PLS3: variants seen among roughly 807,000 people sequenced by gnomAD.
PLS3 encodes plastin 3.
In PLS3, 11 loss-of-function variants were observed where a neutral mutation model predicts 46.5. The ratio of observed to expected loss-of-function variants is 0.24; its 90% CI spans 0.15 to 0.39. The LOEUF (loss-of-function observed/expected upper bound fraction) is 0.39. Among genes scored for constraint, PLS3 ranks in the 10% least tolerant of loss-of-function variants. The pLI is 1.00. For missense variants in PLS3, 308 were observed against 461.8 expected (o/e 0.67, Z 3.05); for synonymous variants, 167 against 162.2 (o/e 1.03, Z -0.22).
chrX:115,628,506 G>C (rs1362197667), intron 3 of PLS3, among the ~76,000 whole-genome samples: 4 of 111,707 alleles, frequency 3.6e-5, no homozygotes, highest in Non-Finnish European at 7.5e-5. Context: ...GAAAAATATA[G>C]ACAGATAGAA....
chrX:115,569,025 G>A (rs373253305), intron 1 of PLS3, among the ~76,000 whole-genome samples: 12 of 76,566 alleles, frequency 1.6e-4, no homozygotes, highest in South Asian at 8.1e-4. Context: ...AACAGAGCAC[G>A]ACTCCGTTTC....
At chrX:115,594,334 T>A (rs2074366952) in intron 1 of PLS3, among the ~76,000 whole-genome samples, 2 of 111,636 alleles carry the variant, frequency 1.8e-5, no homozygotes. Flanking sequence ...AGTTATACAG[T>A]CAATCCTCAC....
chrX:115,633,999 G>A lies in PLS3; in HGVS notation c.501-1G>A, dbSNP rs781935919. 1 of 1,088,026 alleles carries A rather than the reference G, an allele frequency of 9.2e-7. No homozygotes were observed. The highest frequency in any genetic ancestry group is 1.8e-5 in the African/African-American group (1 of 54,328). 89.7% of individuals were successfully genotyped at this position (1,088,026 alleles called of 1,213,427 possible). A position where few individuals can be genotyped will look rare whatever the true frequency, so the allele number is the denominator to read the frequency against. Reference sequence around the variant, plus strand: ...AGCCTTTTTTTAAATTTTTGTTTCAGTAAAATGATTAACCTTTCAGTTCCT... The same window carrying A: ...AGCCTTTTTTTAAATTTTTGTTTCAATAAAATGATTAACCTTTCAGTTCCT... On this transcript the variant is annotated splice_acceptor_variant, in intron 5 of 15. Transcript: ENST00000355899. LOFTEE classifies it high-confidence loss of function.
chrX:115,561,772 G>A (rs1173453750), intron 1 of PLS3, among the ~76,000 whole-genome samples: 1 of 110,977 alleles, frequency 9.0e-6, no homozygotes, highest in Non-Finnish European at 1.9e-5. Context: ...CGCCTCGGGT[G>A]ACCTGGCTGG....
intron 9 of PLS3, among the ~76,000 whole-genome samples, chrX:115,640,947 A>G (rs975111159): frequency 1.8e-5 from 2 of 111,397 alleles, no homozygotes; most frequent in Non-Finnish European, 3.8e-5. Context: ...TATGAAATCT[A>G]ATTTAGGGAA....
chrX:115,605,159 G>T (rs2147475673), intron 1 of PLS3, among the ~76,000 whole-genome samples: 1 of 111,656 alleles, frequency 9.0e-6, no homozygotes, highest in East Asian at 2.8e-4. Flanking sequence ...GGAAAGTCCT[G>T]CATTAAACTA....
chrX:115,649,463 A>C lies in PLS3; in HGVS notation c.1795A>C (p.Arg599=), dbSNP rs1556642187. 1.7e-6 allele frequency: 2 copies of C among 1,205,992 alleles called. No individual in the cohort carries two copies. Among genetic ancestry groups the C allele is most frequent in the Non-Finnish European group, 2.2e-6 (2 of 890,573 alleles). The change falls in exon 16 of 16, where the codon AGA becomes CGA. Residue 599 remains arginine (R), a synonymous_variant. Coordinates refer to ENST00000355899, the MANE Select transcript of PLS3 (RefSeq NM_005032.7). ...GTCAATGGCTAGAAGAATCGGAGCC[A>C]GAGTGTATGCTCTCCCTGAAGACCT... ...AVSMARRIGA[R]VYALPEDLVE...
chrX:115,617,674 G>A (rs1173539263), intron 2 of PLS3, among the ~76,000 whole-genome samples: 3 of 112,004 alleles, frequency 2.7e-5, no homozygotes, highest in Non-Finnish European at 5.6e-5. Context: ...GTCATGTAAT[G>A]ACAAATTCTT....
At chrX:115,581,838 A>G (rs2074281212) in intron 1 of PLS3, among the ~76,000 whole-genome samples, 1 of 111,890 alleles carries the variant, frequency 8.9e-6, no homozygotes, top group Non-Finnish European at 1.9e-5. Context: ...CAAATGTACT[A>G]CCCTAAGTAC....
chrX:115,642,743 G>T (rs2074911191), intron 9 of PLS3, among the ~76,000 whole-genome samples: 1 of 111,569 alleles, frequency 9.0e-6, no homozygotes, highest in African/African-American at 3.3e-5. Context: ...TGAAGAGAAT[G>T]AACCCACAAT....
intron 7 of PLS3, among the ~76,000 whole-genome samples, chrX:115,635,361 G>A (rs1405194985): frequency 1.8e-5 from 2 of 110,122 alleles, no homozygotes; most frequent in Non-Finnish European, 3.8e-5. Flanking sequence ...CTTCTACCCC[G>A]TTGCCACCCT....
intron 1 of PLS3, among the ~76,000 whole-genome samples, chrX:115,584,955 C>T (rs2074298935): frequency 9.0e-6 from 1 of 111,144 alleles, no homozygotes; most frequent in Admixed American, 9.7e-5. Context: ...TTGTTAGTTT[C>T]CTTTTATAGA....
At chrX:115,630,908 C>CA in intron 5 of PLS3, among the ~76,000 whole-genome samples, 1 of 85,897 alleles carries the variant, frequency 1.2e-5, no homozygotes, top group East Asian at 3.4e-4. Flanking sequence ...GTATATTATA[C>CA]ATGTATATAT....
At chrX:115,648,495 A>G (rs2074973902) in intron 15 of PLS3, among the ~76,000 whole-genome samples, 1 of 111,224 alleles carries the variant, frequency 9.0e-6, no homozygotes, top group Non-Finnish European at 1.9e-5. Flanking sequence ...ACAGAAGACT[A>G]TGCCTTGAAA....
intron 1 of PLS3, among the ~76,000 whole-genome samples, chrX:115,587,136 G>C (rs965877299): frequency 8.9e-6 from 1 of 112,324 alleles, no homozygotes; most frequent in African/African-American, 3.2e-5. Flanking sequence ...AGTGGGTAAA[G>C]CTGCTGAATC....
chrX:115,627,453 T>TAG (rs782305106), intron 3 of PLS3, among the ~76,000 whole-genome samples: 3 of 112,121 alleles, frequency 2.7e-5, no homozygotes, highest in African/African-American at 9.7e-5. Context: ...GACAATGAAG[T>TAG]AGAGTTCAGA....
chrX:115,636,187 T>C (rs1556640195), intron 7 of PLS3, among the ~76,000 whole-genome samples: 1 of 108,226 alleles, frequency 9.2e-6, no homozygotes, highest in Non-Finnish European at 1.9e-5. Context: ...TGTAAACATC[T>C]TTCCCCCAAA....
At chrX:115,590,918 C>G (rs2074340662) in intron 1 of PLS3, among the ~76,000 whole-genome samples, 1 of 111,037 alleles carries the variant, frequency 9.0e-6, no homozygotes, top group African/African-American at 3.3e-5. Context: ...GCGGGCAGAT[C>G]CCAAGGTCAG....
intron 8 of PLS3, among the ~76,000 whole-genome samples, chrX:115,638,578 G>A (rs5987960): frequency 0.19 from 21,533 of 111,211 alleles, 1,794 homozygotes; most frequent in South Asian, 0.46. Flanking sequence ...CACTAGATGC[G>A]TTCCTGAAAA....
Sources: gnomAD v4.1 joint callset for allele counts (sites outside exome capture counted in the v4.1 genomes callset) on GRCh38, gnomAD v4.1.1 for gene constraint, MANE v1.5 for transcripts, NCBI Gene and HGNC (gene_info 2026-07-23, HGNC 2026-07-21) for gene names.